The following NOVA1 variants were observed in gnomAD, a reference collection of about 807,000 sequenced individuals.
NOVA1 encodes RNA-binding protein Nova-1.
A neutral mutation model predicts 38.0 loss-of-function variants in NOVA1; 7 were observed. The ratio of observed to expected loss-of-function variants is 0.18; its 90% CI spans 0.10 to 0.35. The LOEUF (loss-of-function observed/expected upper bound fraction) is 0.35. NOVA1 is among the 10% of genes least tolerant of loss of function. NOVA1 has a pLI of 1.00. For synonymous variants in NOVA1, 270 were observed against 232.5 expected (o/e 1.16, Z -1.47); for missense variants, 460 against 616.0 (o/e 0.75, Z 2.68).
chr14:26,583,765 C>CA (rs527391324), intron 2 of NOVA1, among the ~76,000 whole-genome samples: 3 of 150,852 alleles, frequency 2.0e-5, no homozygotes, highest in South Asian at 2.1e-4. Flanking sequence ...AAAATTCAAG[C>CA]AAAAAAATTA....
chr14:26,452,222 C>T (rs1172919478), intron 4 of NOVA1, among the ~76,000 whole-genome samples: 1 of 152,084 alleles, frequency 6.6e-6, no homozygotes, highest in East Asian at 1.9e-4. Context: ...AAAATATATC[C>T]ATACCTATTT....
intron 2 of NOVA1, among the ~76,000 whole-genome samples, chr14:26,502,317 A>T (rs562505042): frequency 6.6e-6 from 1 of 151,918 alleles, no homozygotes; most frequent in South Asian, 2.1e-4. Context: ...AACCTATGGG[A>T]CTTTGGGATC....
At chr14:26,526,733 C>A (rs991913849) in intron 2 of NOVA1, among the ~76,000 whole-genome samples, 1 of 152,038 alleles carries the variant, frequency 6.6e-6, no homozygotes, top group African/African-American at 2.4e-5. Flanking sequence ...GGGATAAGAG[C>A]TAAAAACAAT....
chr14:26,545,411 G>A (rs1890728334), intron 2 of NOVA1, among the ~76,000 whole-genome samples: 2 of 151,934 alleles, frequency 1.3e-5, no homozygotes, highest in Non-Finnish European at 2.9e-5. Context: ...TTCCAATAAA[G>A]GCCAAAAGAA....
intron 2 of NOVA1, among the ~76,000 whole-genome samples, chr14:26,569,109 C>A (rs1892313418): frequency 6.6e-6 from 1 of 152,084 alleles, no homozygotes; most frequent in African/African-American, 2.4e-5. Flanking sequence ...CAAACATTCA[C>A]CAAACACACA....
At chr14:26,473,338 C>A (rs949722131) in intron 3 of NOVA1, among the ~76,000 whole-genome samples, 2 of 151,438 alleles carry the variant, frequency 1.3e-5, no homozygotes, top group African/African-American at 4.8e-5. Flanking sequence ...CATATGCTCA[C>A]TAAGCAAAAT....
At chr14:26,483,140 A>G (rs1885595830) in intron 2 of NOVA1, among the ~76,000 whole-genome samples, 1 of 152,250 alleles carries the variant, frequency 6.6e-6, no homozygotes, top group Non-Finnish European at 1.5e-5. Context: ...CTAAAAATGC[A>G]CAGGTTTCTA....
chr14:26,470,562 T>C (rs1884509782), intron 4 of NOVA1: 2 of 1,060,514 alleles, frequency 1.9e-6, no homozygotes, highest in Admixed American at 3.8e-5. Context: ...GAATATAAAA[T>C]TACAAATGAC....
chr14:26,584,542 T>C (rs1893404944), intron 2 of NOVA1, among the ~76,000 whole-genome samples: 2 of 151,446 alleles, frequency 1.3e-5, no homozygotes, highest in South Asian at 2.1e-4. Flanking sequence ...ATGCACTAGA[T>C]TGTCTCTTAC....
At chr14:26,468,204 C>G (rs1239751301) in intron 4 of NOVA1, among the ~76,000 whole-genome samples, 1 of 151,978 alleles carries the variant, frequency 6.6e-6, no homozygotes, top group Non-Finnish European at 1.5e-5. Flanking sequence ...TTTTGAAGGT[C>G]CTGTGGAGAG....
At chr14:26,511,494 G>A (rs1037485596) in intron 2 of NOVA1, among the ~76,000 whole-genome samples, 3 of 152,082 alleles carry the variant, frequency 2.0e-5, no homozygotes, top group Non-Finnish European at 2.9e-5. Flanking sequence ...CTGGCCGGGC[G>A]CGGTGACTCA....
rs2138829163 is a variant in NOVA1, at chr14:26,595,389, T to C, written c.280+21A>G. On this transcript the variant is annotated intron_variant, in intron 2 of 4. Transcript: ENST00000539517. ...TTCCTGTGGGGAGCTCATCAAACAATCTCTTCACCATTGCACCTACCTGGG... is the reference window on the plus strand; with the variant it reads ...TTCCTGTGGGGAGCTCATCAAACAACCTCTTCACCATTGCACCTACCTGGG... 3.7e-6 allele frequency: 6 copies of C among 1,605,172 alleles called. No homozygotes were observed. The East Asian group carries it at 1.3e-4, about 36-fold the overall frequency.
rs114595833 is a variant in NOVA1 at position 26,495,007 on chromosome 14, C to T, written c.281-14864G>A. On this transcript the variant is annotated intron_variant, in intron 2 of 4. Transcript: ENST00000539517. The stretch of plus-strand genomic sequence containing the variant: ...GATCTGACCTCTGCTGAGCTCTCGT[C>T]AGTCCCCATCTCATATTACTCTTTC... Among the ~76,000 whole-genome samples, 1,484 of 152,304 alleles carry T rather than the reference C, an allele frequency of 9.7e-3. 23 individuals are homozygous for T. Among genetic ancestry groups the T allele is most frequent in the African/African-American group, 0.034 (1,411 of 41,550 alleles).
At chr14:26,459,503 C>T (rs993944476) in intron 4 of NOVA1, among the ~76,000 whole-genome samples, 1 of 151,940 alleles carries the variant, frequency 6.6e-6, no homozygotes, top group Non-Finnish European at 1.5e-5. Flanking sequence ...TGAATATATT[C>T]CCATCATTAA....
At chr14:26,513,759 T>A (rs1212631622) in intron 2 of NOVA1, among the ~76,000 whole-genome samples, 2 of 151,740 alleles carry the variant, frequency 1.3e-5, no homozygotes, top group African/African-American at 4.8e-5. Flanking sequence ...AACCGAACAT[T>A]AATTGGGAAC....
chr14:26,528,692 T>TGGTCCAAG (rs1487693095), intron 2 of NOVA1, among the ~76,000 whole-genome samples: 3 of 152,152 alleles, frequency 2.0e-5, no homozygotes, highest in Non-Finnish European at 1.5e-5. Flanking sequence ...TGAAGAATCT[T>TGGTCCAAG]AATCTAAGGA....
rs886849352 is a variant in NOVA1, at chr14:26,445,370, A to G, written c.*2589T>C. On this transcript the variant is annotated 3_prime_UTR_variant, in exon 5 of 5. Coordinates refer to ENST00000539517, the MANE Select transcript of NOVA1 (RefSeq NM_002515.3). ...TAAACAGCATGAAGCTGATTTACAC[A>G]TAATGCATACAAACCCTTATCTGTC... is the stretch of plus-strand genomic sequence containing the variant. 3 of 152,256 alleles carry G rather than the reference A, an allele frequency of 2.0e-5. No individual in the cohort carries two copies. The highest frequency in any genetic ancestry group is 2.0e-4 in the Admixed American group (3 of 15,280). 9.4% of individuals were successfully genotyped at this position (152,256 alleles called of 1,614,324 possible).
In NOVA1 at chr14:26,484,456, A is replaced by G. The variant is rs12897010; in HGVS notation, c.281-4313T>C. Among the ~76,000 whole-genome samples the G allele has an allele frequency of 7.8e-3, 1,168 of 150,392 alleles. 11 individuals carry two copies. Among genetic ancestry groups the G allele is most frequent in the African/African-American group, 0.027 (1,111 of 40,456 alleles). On this transcript the variant is annotated intron_variant, in intron 2 of 4. Transcript: ENST00000539517. ...AAAAAAAAAAAAAAAAAAAAAAAAA[A>G]AAAAAAGAAATTAATTGTTCTATTT... is the stretch of plus-strand genomic sequence containing the variant.
At chr14:26,544,784 A>C (rs989094014) in intron 2 of NOVA1, among the ~76,000 whole-genome samples, 3 of 152,212 alleles carry the variant, frequency 2.0e-5, no homozygotes, top group African/African-American at 7.2e-5. Context: ...GCACTTAAAC[A>C]GCATTTTATC....
Sources: gnomAD v4.1 joint callset for allele counts (sites outside exome capture counted in the v4.1 genomes callset) on GRCh38, gnomAD v4.1.1 for gene constraint, MANE v1.5 for transcripts, NCBI Gene and HGNC (gene_info 2026-07-23, HGNC 2026-07-21) for gene names.